Variants in SMARCC2 observed in about 807,000 individuals in gnomAD.
SMARCC2 encodes the protein SWI/SNF complex subunit SMARCC2.
SMARCC2 carries 15 observed loss-of-function variants against 151.3 expected under a neutral mutation model. That is an observed-to-expected ratio of 0.10 (90% CI 0.07 to 0.15). The LOEUF (loss-of-function observed/expected upper bound fraction) is 0.15, where lower values mean the gene tolerates loss of function less well. Among genes scored for constraint, SMARCC2 ranks in the 10% least tolerant of loss-of-function variants. The pLI is 1.00. For missense variants in SMARCC2, 1,031 were observed against 1,599.7 expected, an observed-to-expected ratio of 0.64 and a Z score of 6.06; for synonymous variants, 590 against 609.5, an observed-to-expected ratio of 0.97 and a Z score of 0.47.
rs1876673538 is a variant in SMARCC2, at chr12:56,183,585, C to T, written c.632+276G>A. On this transcript the variant is annotated intron_variant, in intron 7 of 28. Transcript: ENST00000550164. ...ATATACAAATTTACTGAAACATTTT[C>T]CTACTGTTAGACATTTAGATTGTTT... is the stretch of plus-strand genomic sequence containing the variant. 5 of 331,872 alleles carry T rather than the reference C, an allele frequency of 1.5e-5. No homozygotes were observed. The South Asian group carries it at 1.5e-4, about 10-fold the overall frequency. 20.6% of individuals were successfully genotyped at this position (331,872 alleles called of 1,614,324 possible). A position where few individuals can be genotyped will look rare whatever the true frequency, so the allele number is the denominator to read the frequency against.
In SMARCC2 at chr12:56,171,037, A is replaced by G. The variant is rs1465478933; in HGVS notation, c.2347+234T>C. Among the ~76,000 whole-genome samples, 1 of 152,140 alleles carries G rather than the reference A, an allele frequency of 6.6e-6. No homozygotes were observed. Among genetic ancestry groups the G allele is most frequent in the Non-Finnish European group, 1.5e-5 (1 of 68,022 alleles). On this transcript the variant is annotated intron_variant, in intron 22 of 28. Transcript: ENST00000550164. The surrounding 1 kb of genome is among the most constrained non-coding windows in gnomAD (Gnocchi z 4.2). ...TGAGCCACTGCGCCCGGCCTTCACA[A>G]GACTTTTCTAACAGCCCCTTCTACA...
chr12:56,184,982 T>C (rs1469123890), intron 4 of SMARCC2, 46 bp from the exon 5 acceptor site: 2 of 1,591,494 alleles, frequency 1.3e-6, no homozygotes, highest in Non-Finnish European at 1.7e-6. Context: ...AGGGGTGTTT[T>C]AGATTCTCAC....
At chr12:56,166,298 T>G (rs539849341) in intron 26 of SMARCC2, among the ~76,000 whole-genome samples, 6 of 152,138 alleles carry the variant, frequency 3.9e-5, no homozygotes, top group African/African-American at 1.2e-4. Flanking sequence ...TGTGCCAGCA[T>G]GCCGGGCTAA....
intron 3 of SMARCC2, 133 bp from the exon 4 acceptor site, chr12:56,185,244 T>C: frequency 1.5e-6 from 1 of 689,072 alleles, no homozygotes; most frequent in South Asian, 1.6e-5. Flanking sequence ...AGTGGCGCGA[T>C]CCCGGCTCAC....
Sources: gnomAD v4.1 joint callset for allele counts (sites outside exome capture counted in the v4.1 genomes callset) on GRCh38, gnomAD v4.1.1 for gene constraint, Gnocchi (gnomAD v3.1) non-coding constraint, MANE v1.5 for transcripts, NCBI Gene and HGNC (gene_info 2026-07-23, HGNC 2026-07-21) for gene names.